MEI1: variants seen among roughly 807,000 people sequenced by gnomAD.
MEI1 encodes the protein meiotic double-stranded break formation protein 1.
MEI1 carries 103 observed loss-of-function variants against 146.2 expected under a neutral mutation model. That is an observed-to-expected ratio of 0.70 (90% confidence interval 0.60 to 0.83). The LOEUF (loss-of-function observed/expected upper bound fraction) is 0.83. MEI1 is among the 40% of genes least tolerant of loss of function. The pLI is 0.00. For missense variants in MEI1, 1,529 were observed against 1,533.0 expected (o/e 1.00, Z 0.04); for synonymous variants, 652 against 628.2 (o/e 1.04, Z -0.57).
intron 30 of MEI1, among the ~76,000 whole-genome samples, chr22:41,797,603 C>G (rs1258931070): frequency 6.6e-6 from 1 of 152,214 alleles, no homozygotes; most frequent in East Asian, 1.9e-4. Flanking sequence ...CAGAGCAAGA[C>G]TCCGTCTCAA....
At position 41,744,480 on chromosome 22, in the gene MEI1, ATTTTTTTTTTTTTTTTTTTTT is replaced by A. The variant is rs771456925; in HGVS notation, c.1447-478_1447-458del. ...AGCCACCATGCCCAGCTTTGCTATG[ATTTTTTTTTTTTTTTTTTTTT>A]TTTTTTTTTTTTTTGAGACGGAGTC... On this transcript the variant is annotated intron_variant, in intron 12 of 30. Transcript: ENST00000401548. Among the ~76,000 whole-genome samples the A allele has an allele frequency of 3.5e-4, 3 of 8,586 alleles. 1 individual carries two copies. The highest frequency in any genetic ancestry group is 5.6e-4 in the Non-Finnish European group (3 of 5,310). The allele number at this position is 8,586 out of a possible 152,430, so 5.6% of individuals were successfully genotyped here.
intron 15 of MEI1, among the ~76,000 whole-genome samples, chr22:41,751,520 C>T (rs1330349514): frequency 6.6e-6 from 1 of 152,206 alleles, no homozygotes; most frequent in African/African-American, 2.4e-5. Flanking sequence ...TGGCTCACGC[C>T]TGTAATCCCA....
chr22:41,784,683 G>A lies in MEI1; in HGVS notation c.3245G>A (p.Gly1082Glu), dbSNP rs759807806. 6.2e-7 allele frequency: 1 copy of A among 1,613,700 alleles called. No homozygotes were observed. The highest frequency in any genetic ancestry group is 8.5e-7 in the Non-Finnish European group (1 of 1,179,856). Residue 1082 changes from glycine (G) to glutamate (E), a missense_variant, in exon 26 of 31, where the codon GGG (glycine) becomes GAG (glutamate). By Grantham distance (98) the Gly-to-Glu change is moderately conservative. Coordinates refer to ENST00000401548, the MANE Select transcript of MEI1 (RefSeq NM_152513.4). ...SSALVALVPS[G>E]AQPLPATKDT... Reference sequence around the variant, plus strand: ...GCCCTGGTAGCCCTGGTGCCCTCAGGGGCCCAGCCACTGCCAGCCACCAAG... The same window carrying A: ...GCCCTGGTAGCCCTGGTGCCCTCAGAGGCCCAGCCACTGCCAGCCACCAAG...
At chr22:41,763,361 C>G in intron 19 of MEI1, 40 bp downstream of exon 19, 2 of 1,603,808 alleles carry the variant, frequency 1.2e-6, no homozygotes, top group Non-Finnish European at 1.7e-6. Context: ...CCTTCTGTAC[C>G]TCTTTACATT....
intron 4 of MEI1, among the ~76,000 whole-genome samples, chr22:41,715,540 C>T (rs970328748): frequency 2.8e-4 from 43 of 151,894 alleles, no homozygotes; most frequent in Non-Finnish European, 1.8e-4. Context: ...GGACTACAGG[C>T]GCCTCCCACC....
At chr22:41,764,416 C>T (rs1227154417) in intron 19 of MEI1, among the ~76,000 whole-genome samples, 1 of 152,178 alleles carries the variant, frequency 6.6e-6, no homozygotes, top group African/African-American at 2.4e-5. Context: ...ACATTGTGTG[C>T]CCAGGTGTGT....
At chr22:41,782,241 C>T (rs1489431006) in intron 24 of MEI1, among the ~76,000 whole-genome samples, 2 of 152,126 alleles carry the variant, frequency 1.3e-5, no homozygotes, top group Non-Finnish European at 2.9e-5. Flanking sequence ...TGCACAAATT[C>T]AGGACATGCT....
In MEI1 at chr22:41,746,076, T is replaced by C. The variant is rs530245206; in HGVS notation, c.1680+50T>C. The C allele has an allele frequency of 4.6e-6, 7 of 1,509,594 alleles. No homozygotes were observed. In the East Asian group the frequency reaches 9.8e-5, roughly 21 times the overall value. The allele number at this position is 1,509,594 out of a possible 1,614,324, so 93.5% of individuals were successfully genotyped here. On this transcript the variant is annotated intron_variant, in intron 14 of 30. Coordinates refer to ENST00000401548, the MANE Select transcript of MEI1 (RefSeq NM_152513.4). ...ACATGAAGCTTGGGGAAGAGAAGAA[T>C]GTGCAGGCGAGCCAGGCTCAGAGGC...
intron 6 of MEI1, among the ~76,000 whole-genome samples, chr22:41,720,597 A>ATTTTT (rs71184835): frequency 8.0e-6 from 1 of 124,842 alleles, no homozygotes; most frequent in Non-Finnish European, 1.6e-5. Context: ...GCCTGGCTCA[A>ATTTTT]TTTTTTTTTT....
chr22:41,755,993 CAA>C (rs2074069279), intron 17 of MEI1, among the ~76,000 whole-genome samples: 1 of 152,146 alleles, frequency 6.6e-6, no homozygotes, highest in African/African-American at 2.4e-5. Context: ...TATCTGAAAA[CAA>C]AGTCTTAACA....
At chr22:41,792,918 T>TA (rs139554) in intron 26 of MEI1, among the ~76,000 whole-genome samples, 2,456 of 144,378 alleles carry the variant, frequency 0.017, 65 homozygotes, top group African/African-American at 0.058. Context: ...CCTGTTGCTT[T>TA]AAAAAAAAAA....
At chr22:41,758,283 T>C in intron 17 of MEI1, 82 bp from the exon 18 acceptor site, 1 of 1,352,716 alleles carries the variant, frequency 7.4e-7, no homozygotes, top group Non-Finnish European at 1.0e-6. Flanking sequence ...TGCAGTACTC[T>C]GCATGTAGTA....
intron 19 of MEI1, among the ~76,000 whole-genome samples, chr22:41,765,024 C>T (rs189394348): frequency 6.6e-6 from 1 of 152,176 alleles, no homozygotes; most frequent in Non-Finnish European, 1.5e-5. Context: ...AATTGAACAA[C>T]CAAGAGTCTT....
intron 26 of MEI1, among the ~76,000 whole-genome samples, chr22:41,786,056 G>A (rs1290446433): frequency 5.7e-4 from 85 of 148,080 alleles, no homozygotes; most frequent in South Asian, 3.4e-3. Flanking sequence ...GACTACAGGC[G>A]CCCGCTACCA....
chr22:41,785,630 C>T (rs545048681), intron 26 of MEI1, among the ~76,000 whole-genome samples: 3 of 151,578 alleles, frequency 2.0e-5, no homozygotes, highest in Non-Finnish European at 4.4e-5. Flanking sequence ...ATGGTGCAAT[C>T]TTGGCTCACT....
chr22:41,794,125 AT>A (rs1369157005), intron 27 of MEI1, among the ~76,000 whole-genome samples: 2 of 152,218 alleles, frequency 1.3e-5, no homozygotes, highest in African/African-American at 4.8e-5. Flanking sequence ...CAAGGTCACA[AT>A]GCTCTTAAGT....
Position 41,712,660 on chromosome 22 carries a change from A to G in MEI1, c.350-1342A>G, listed in dbSNP as rs561542796. 2.6e-5 allele frequency among the ~76,000 whole-genome samples: 3 copies of G among 114,186 alleles called. No homozygotes were observed. In the East Asian group the frequency reaches 8.6e-4, roughly 33 times the overall value. 74.9% of individuals were successfully genotyped at this position (114,186 alleles called of 152,430 possible). On this transcript the variant is annotated intron_variant, in intron 3 of 30. Transcript: ENST00000401548. ...CATTTAAATATATTTAAGTATATTTAAATAGAAATAGATGTGTGTGTGTGT... is the reference window on the plus strand; with the variant it reads ...CATTTAAATATATTTAAGTATATTTGAATAGAAATAGATGTGTGTGTGTGT...
intron 26 of MEI1, among the ~76,000 whole-genome samples, chr22:41,793,444 G>A (rs538763478): frequency 1.3e-5 from 2 of 152,264 alleles, no homozygotes; most frequent in African/African-American, 4.8e-5. Context: ...TGGGACTACA[G>A]GTGTGCACCA....
chr22:41,768,249 G>A (rs1325553222), intron 19 of MEI1, among the ~76,000 whole-genome samples: 1 of 152,094 alleles, frequency 6.6e-6, no homozygotes, highest in Non-Finnish European at 1.5e-5. Context: ...GGGCGTGGCG[G>A]CATGCGCCTG....
Sources: allele counts gnomAD v4.1 joint callset (sites outside exome capture counted in the v4.1 genomes callset), GRCh38; gene constraint gnomAD v4.1.1; transcripts MANE v1.5; gene names NCBI Gene and HGNC (gene_info 2026-07-23, HGNC 2026-07-21).